TSPEAR: variants seen among roughly 807,000 people sequenced by gnomAD.
TSPEAR encodes thrombospondin type laminin G domain and EAR repeats.
TSPEAR carries 69 observed loss-of-function variants against 71.6 expected under a neutral mutation model. The observed-to-expected ratio is 0.96, with a 90% CI of 0.79 to 1.18. The LOEUF (loss-of-function observed/expected upper bound fraction) is 1.18. Among genes scored for constraint, TSPEAR ranks in the 50% most tolerant of loss-of-function variants. TSPEAR has a pLI of 0.00. For missense variants in TSPEAR, 971 were observed against 894.9 expected (o/e 1.09, Z -1.09); for synonymous variants, 402 against 387.2 (o/e 1.04, Z -0.45).
At chr21:44,517,677 T>A (rs587643430) in intron 9 of TSPEAR, 411 of 444,030 alleles carry the variant, frequency 9.3e-4, no homozygotes, top group Non-Finnish European at 1.3e-3. Flanking sequence ...AGGAAGCCAC[T>A]GACATGTGGG....
chr21:44,526,486 C>A (rs1230675925), intron 7 of TSPEAR, among the ~76,000 whole-genome samples: 1 of 146,392 alleles, frequency 6.8e-6, no homozygotes, highest in Non-Finnish European at 1.5e-5. Flanking sequence ...CTTATGATGT[C>A]ATCAATCAAA....
chr21:44,582,971 C>T (rs77441269), intron 1 of TSPEAR, among the ~76,000 whole-genome samples: 143,763 of 152,122 alleles, frequency 0.95, 68,079 homozygotes, highest in Non-Finnish European at 0.97. Flanking sequence ...TACAGGTGTG[C>T]ACCACCACAT....
Position 44,527,513 on chromosome 21 carries a change from CT to C in TSPEAR, c.927del (p.Glu310LysfsTer102). Reference sequence around the variant, plus strand: ...TGCTCCTCCACGTAGTCCAGTCTTTCTTTGGCTTGTGATAGAAACGTTGTGA... The same window carrying C: ...TGCTCCTCCACGTAGTCCAGTCTTTCTTGGCTTGTGATAGAAACGTTGTGA... ...GNEWVSVLAA[K>X]ERLDYVEEHQ... is the part of the protein sequence containing the mutation. On this transcript the variant is annotated frameshift_variant, in exon 7 of 12. Coordinates refer to ENST00000323084, the MANE Select transcript of TSPEAR (RefSeq NM_144991.3). LOFTEE classifies it high-confidence loss of function. 1 of 1,614,200 alleles carries C rather than the reference CT, an allele frequency of 6.2e-7. No individual in the cohort carries two copies. The highest frequency in any genetic ancestry group is 8.5e-7 in the Non-Finnish European group (1 of 1,180,018).
chr21:44,668,949 G>T (rs1985921933), intron 1 of TSPEAR, among the ~76,000 whole-genome samples: 1 of 152,052 alleles, frequency 6.6e-6, no homozygotes, highest in Admixed American at 6.6e-5. Flanking sequence ...GGGAATGCTA[G>T]AACTAAAATG....
chr21:44,682,057 A>G, intron 1 of TSPEAR: 1 of 1,614,034 alleles, frequency 6.2e-7, no homozygotes, highest in Non-Finnish European at 8.5e-7. Context: ...ATGTAACAGG[A>G]TGCCTGGCAG....
rs370520219 is a variant in TSPEAR, at chr21:44,601,762, T to G, written c.83-33757A>C. ...GATCTCCTTAAGATCATCCAAAGCC[T>G]GAGTGCTCACTGCCACCTGCACCCC... On this transcript the variant is annotated intron_variant, in intron 1 of 11. Coordinates refer to ENST00000323084, the MANE Select transcript of TSPEAR (RefSeq NM_144991.3). 529 of 1,588,960 alleles carry G rather than the reference T, an allele frequency of 3.3e-4. 2 individuals are homozygous for G. In the African/African-American group the frequency reaches 6.3e-3, roughly 19 times the overall value.
chr21:44,591,206 G>A (rs978935612), intron 1 of TSPEAR: 3 of 1,298,782 alleles, frequency 2.3e-6, no homozygotes, highest in Non-Finnish European at 3.1e-6. Context: ...GGGTCTGGGG[G>A]AGTAGCTGGG....
At chr21:44,518,835 C>T (rs953194690) in intron 9 of TSPEAR, 2 of 386,238 alleles carry the variant, frequency 5.2e-6, no homozygotes, top group Non-Finnish European at 1.1e-5. Context: ...TGGGGCTCTG[C>T]ATGTGTGAGC....
rs782696696 is a variant in TSPEAR at position 44,646,827 on chromosome 21, T to C, written c.82+64606A>G. 33 of 1,563,724 alleles carry C rather than the reference T, an allele frequency of 2.1e-5. No individual in the cohort carries two copies. In the South Asian group the frequency reaches 3.1e-4, roughly 15 times the overall value. On this transcript the variant is annotated intron_variant, in intron 1 of 11. Coordinates refer to ENST00000323084, the MANE Select transcript of TSPEAR (RefSeq NM_144991.3). ...GTGTGCCTGTCTGCTGTGGGGCTGC[T>C]TCTTCGTGCTGCCGGCAGTCTAGCT...
At chr21:44,678,571 A>G (rs1375159353) in intron 1 of TSPEAR, among the ~76,000 whole-genome samples, 9 of 152,192 alleles carry the variant, frequency 5.9e-5, no homozygotes, top group Admixed American at 5.9e-4. Flanking sequence ...TCTTTATAGC[A>G]ATGTAAGAAT....
chr21:44,707,962 G>A (rs1470449668), intron 1 of TSPEAR, among the ~76,000 whole-genome samples: 1 of 149,662 alleles, frequency 6.7e-6, no homozygotes, highest in Admixed American at 6.6e-5. Context: ...CCTCCTGGCT[G>A]CCTAGCCTGT....
In TSPEAR at chr21:44,499,879, C is replaced by T. The variant is rs781853357; in HGVS notation, c.1914G>A (p.Arg638=). 9.3e-6 allele frequency: 15 copies of T among 1,606,862 alleles called. 1 individual carries two copies. The South Asian group carries it at 1.6e-4, about 17-fold the overall frequency. ...CCGTGGTGCTGAAGGCCTCCCAGTCCCTGCAGCCGACGGTGGGGAGGCTGT... is the reference window on the plus strand; with the variant it reads ...CCGTGGTGCTGAAGGCCTCCCAGTCTCTGCAGCCGACGGTGGGGAGGCTGT... ...AVHSLPTVGC[R]DWEAFSTTAG... is the part of the protein sequence containing the mutation. The change falls in exon 12 of 12, where the codon AGG becomes AGA. Residue 638 remains arginine (R), a synonymous_variant. Transcript: ENST00000323084.
intron 1 of TSPEAR, among the ~76,000 whole-genome samples, chr21:44,689,740 T>TATATATATA (rs1555949490): frequency 2.8e-4 from 35 of 125,078 alleles, no homozygotes; most frequent in Admixed American, 4.1e-4. Flanking sequence ...TATATATATA[T>TATATATATA]TTTGGGGGGG....
At chr21:44,505,616 C>G (rs2052180029) in intron 10 of TSPEAR, among the ~76,000 whole-genome samples, 1 of 135,530 alleles carries the variant, frequency 7.4e-6, no homozygotes, top group Admixed American at 7.8e-5. Context: ...CACTTTCTGT[C>G]TCTATGAATT....
At chr21:44,510,583 C>CCGGCGCCTGCT (rs1257198094) in intron 9 of TSPEAR, 1 of 149,960 alleles carries the variant, frequency 6.7e-6, no homozygotes, top group African/African-American at 2.5e-5. Context: ...CCCTGACTGT[C>CCGGCGCCTGCT]CGGCGCCTGC....
intron 2 of TSPEAR, among the ~76,000 whole-genome samples, chr21:44,552,314 C>G (rs993585811): frequency 6.6e-6 from 1 of 152,076 alleles, no homozygotes; most frequent in Admixed American, 6.5e-5. Flanking sequence ...GGCCCTGACC[C>G]CGGGGCAGGG....
chr21:44,500,694 C>T (rs1483349951), intron 11 of TSPEAR, among the ~76,000 whole-genome samples: 1 of 152,220 alleles, frequency 6.6e-6, no homozygotes, highest in Non-Finnish European at 1.5e-5. Context: ...TGGGGGAGAA[C>T]CTGGCAGGGT....
At chr21:44,533,205 G>A (rs139168971) in intron 3 of TSPEAR, among the ~76,000 whole-genome samples, 406 of 152,318 alleles carry the variant, frequency 2.7e-3, no homozygotes, top group African/African-American at 9.3e-3. Context: ...AACGCTCCGC[G>A]GGAGAGGCCC....
At chr21:44,585,814 C>T (rs1314304194) in intron 1 of TSPEAR, among the ~76,000 whole-genome samples, 1 of 152,166 alleles carries the variant, frequency 6.6e-6, no homozygotes, top group Non-Finnish European at 1.5e-5. Context: ...TTAGACTTTG[C>T]TTCTCTGTCA....
Sources: allele counts gnomAD v4.1 joint callset (sites outside exome capture counted in the v4.1 genomes callset), GRCh38; gene constraint gnomAD v4.1.1; transcripts MANE v1.5; gene names NCBI Gene and HGNC (gene_info 2026-07-23, HGNC 2026-07-21).